Variants in BCAS3 observed in about 807,000 individuals in gnomAD.
BCAS3 encodes BCAS3 microtubule associated cell migration factor.
BCAS3 carries 53 observed loss-of-function variants against 116.1 expected under a neutral mutation model. The ratio of observed to expected loss-of-function variants is 0.46; its 90% CI spans 0.37 to 0.57. BCAS3 has a LOEUF of 0.57. Ranked by LOEUF, BCAS3 falls within the 20% of genes least tolerant of loss-of-function variation. The pLI is 0.00. For synonymous variants in BCAS3, 391 were observed against 408.2 expected (o/e 0.96, Z 0.51); for missense variants, 917 against 1,165.4 (o/e 0.79, Z 3.10).
chr17:60,880,185 A>T (rs569740784), intron 9 of BCAS3, among the ~76,000 whole-genome samples: 2 of 152,296 alleles, frequency 1.3e-5, no homozygotes, highest in Admixed American at 6.5e-5. Flanking sequence ...AGAGTCCTTA[A>T]TCAGCTGTAT....
At chr17:60,779,869 C>T (rs2045641824) in intron 6 of BCAS3, among the ~76,000 whole-genome samples, 1 of 151,966 alleles carries the variant, frequency 6.6e-6, no homozygotes, top group South Asian at 2.1e-4. Flanking sequence ...ATTCTTGGTG[C>T]TATTTGATAT....
At chr17:60,839,551 A>ATTG (rs1242356739) in intron 7 of BCAS3, among the ~76,000 whole-genome samples, 4 of 152,086 alleles carry the variant, frequency 2.6e-5, no homozygotes, top group African/African-American at 9.7e-5. Context: ...GAATAAAGTT[A>ATTG]TTAACTAGGC....
chr17:60,969,446 A>G (rs1197572708), intron 14 of BCAS3, among the ~76,000 whole-genome samples: 2 of 152,208 alleles, frequency 1.3e-5, no homozygotes, highest in Admixed American at 6.5e-5. Flanking sequence ...TGGATGTGTT[A>G]ATAGCAGAAT....
At chr17:61,168,295 T>C in intron 22 of BCAS3, among the ~76,000 whole-genome samples, 1 of 152,186 alleles carries the variant, frequency 6.6e-6, no homozygotes, top group Non-Finnish European at 1.5e-5. Context: ...TGTATTTATA[T>C]CTATCATGCG....
intron 14 of BCAS3, among the ~76,000 whole-genome samples, chr17:60,985,447 C>T (rs895856067): frequency 6.6e-6 from 1 of 151,776 alleles, no homozygotes; most frequent in Non-Finnish European, 1.5e-5. Flanking sequence ...ACACCTGGTC[C>T]CAATTATATT....
chr17:61,040,728 G>A (rs1043383521), intron 18 of BCAS3, 64 bp from the exon 19 acceptor site: 49 of 1,317,190 alleles, frequency 3.7e-5, no homozygotes, highest in Non-Finnish European at 5.3e-5. Flanking sequence ...AGTGATGACA[G>A]TCATGGTGAT....
rs993482740 is a variant in BCAS3, at chr17:61,364,820, G to A, written c.2426-3507G>A. Among the ~76,000 whole-genome samples the A allele has an allele frequency of 2.0e-5, 3 of 152,202 alleles. No individual in the cohort carries two copies. Among genetic ancestry groups the A allele is most frequent in the Admixed American group, 1.3e-4 (2 of 15,282 alleles). On this transcript the variant is annotated intron_variant, in intron 22 of 23. Coordinates refer to ENST00000407086, the MANE Select transcript of BCAS3 (RefSeq NM_017679.5). This position sits in a 1 kb window ranked among gnomAD's most constrained non-coding sequence, Gnocchi z 5.4. The stretch of plus-strand genomic sequence containing the variant: ...AATTAGAAACCCTTGTTCCAGATCT[G>A]TTGCTCAGAGACTTTGAACATGTCA...
chr17:61,355,125 G>A lies in BCAS3; in HGVS notation c.2426-13202G>A, dbSNP rs1043917256. The A allele has an allele frequency of 5.3e-5, 8 of 152,248 alleles. No homozygotes were observed. Among genetic ancestry groups the A allele is most frequent in the African/African-American group, 1.9e-4 (8 of 41,556 alleles). The allele number at this position is 152,248 out of a possible 1,614,324, so 9.4% of individuals were successfully genotyped here. ...GGGAGGCAGAGAGTTCGCACTCTGAGGAAACGCAGATCCTCAGAGGAGAGT... is the reference window on the plus strand; with the variant it reads ...GGGAGGCAGAGAGTTCGCACTCTGAAGAAACGCAGATCCTCAGAGGAGAGT... On this transcript the variant is annotated intron_variant, in intron 22 of 23. Coordinates refer to ENST00000407086, the MANE Select transcript of BCAS3 (RefSeq NM_017679.5). This position sits in a 1 kb window ranked among gnomAD's most constrained non-coding sequence, Gnocchi z 4.2.
chr17:61,021,918 G>A lies in BCAS3; in HGVS notation c.1637+6017G>A, dbSNP rs376509649. Among the ~76,000 whole-genome samples, 8 of 151,992 alleles carry A rather than the reference G, an allele frequency of 5.3e-5. No homozygotes were observed. The highest frequency in any genetic ancestry group is 4.1e-4 in the South Asian group (2 of 4,824). ...GCCTTAAACTTTATAGGCAAAGTTC[G>A]GAGAATTAAATTGGAAATATTTGGA... On this transcript the variant is annotated intron_variant, in intron 16 of 23. Coordinates refer to ENST00000407086, the MANE Select transcript of BCAS3 (RefSeq NM_017679.5). The surrounding 1 kb of genome is among the most constrained non-coding windows in gnomAD (Gnocchi z 4.6).
At chr17:60,892,566 C>T (rs768841649) in intron 10 of BCAS3, among the ~76,000 whole-genome samples, 1 of 152,046 alleles carries the variant, frequency 6.6e-6, no homozygotes, top group Non-Finnish European at 1.5e-5. Flanking sequence ...GCCTCGGCCT[C>T]CCAGAGTGCT....
At chr17:61,329,343 A>ATTTTTTTTTTTTTTTTTT (rs35909318) in intron 22 of BCAS3, among the ~76,000 whole-genome samples, 2 of 131,280 alleles carry the variant, frequency 1.5e-5, no homozygotes, top group African/African-American at 5.9e-5. Flanking sequence ...TATTATTATT[A>ATTTTTTTTTTTTTTTTTT]TTTTTTTTTT....
At chr17:60,799,423 C>T (rs750610283) in intron 6 of BCAS3, among the ~76,000 whole-genome samples, 31 of 152,066 alleles carry the variant, frequency 2.0e-4, no homozygotes, top group Non-Finnish European at 4.1e-4. Context: ...CCTGCAACAT[C>T]CCCAGCCCTT....
Position 61,026,254 on chromosome 17 carries a change from C to T in BCAS3, c.1638-8412C>T, listed in dbSNP as rs1249500292. 1.3e-5 allele frequency among the ~76,000 whole-genome samples: 2 copies of T among 152,024 alleles called. No individual in the cohort carries two copies. The highest frequency in any genetic ancestry group is 4.8e-5 in the African/African-American group (2 of 41,420). ...TAAAGGAAGCTAACCTCTTAGACCA[C>T]TATTAAGAGATATCCTAATTTCCTG... On this transcript the variant is annotated intron_variant, in intron 16 of 23. Coordinates refer to ENST00000407086, the MANE Select transcript of BCAS3 (RefSeq NM_017679.5). The surrounding 1 kb of genome is among the most constrained non-coding windows in gnomAD (Gnocchi z 5.0).
chr17:61,134,104 T>C lies in BCAS3; in HGVS notation c.2425+49540T>C, dbSNP rs1182528762. ...GGGAGGAGAGGTAGAGTTGGCCTGA[T>C]GTGGAAAATAAATATTTCATATAGT... On this transcript the variant is annotated intron_variant, in intron 22 of 23. Coordinates refer to ENST00000407086, the MANE Select transcript of BCAS3 (RefSeq NM_017679.5). The surrounding 1 kb of genome is among the most constrained non-coding windows in gnomAD (Gnocchi z 4.6). Among the ~76,000 whole-genome samples the C allele has an allele frequency of 6.6e-6, 1 of 152,132 alleles. No homozygotes were observed. The highest frequency in any genetic ancestry group is 6.5e-5 in the Admixed American group (1 of 15,280).
intron 6 of BCAS3, among the ~76,000 whole-genome samples, chr17:60,766,498 C>T (rs1034304527): frequency 2.0e-5 from 3 of 152,204 alleles, no homozygotes; most frequent in African/African-American, 7.2e-5. Flanking sequence ...TCCAGACCCT[C>T]TTTGCCTGGG....
chr17:60,877,208 A>G lies in BCAS3; in HGVS notation c.661+2470A>G, dbSNP rs370350707. Reference sequence around the variant, plus strand: ...TATATATATACACACACATATATACATATATATGCATAGATGAATGAAATT... The same window carrying G: ...TATATATATACACACACATATATACGTATATATGCATAGATGAATGAAATT... On this transcript the variant is annotated intron_variant, in intron 9 of 23. Coordinates refer to ENST00000407086, the MANE Select transcript of BCAS3 (RefSeq NM_017679.5). Among the ~76,000 whole-genome samples the G allele has an allele frequency of 1.8e-4, 27 of 152,098 alleles. No individual in the cohort carries two copies. In the South Asian group the frequency reaches 5.4e-3, roughly 30 times the overall value.
chr17:61,014,749 GA>G (rs1239438691), intron 15 of BCAS3, among the ~76,000 whole-genome samples: 1 of 151,868 alleles, frequency 6.6e-6, no homozygotes, highest in African/African-American at 2.4e-5. Flanking sequence ...TAGGAATCCA[GA>G]AGACATTATT....
chr17:60,944,794 G>A (rs1433204021), intron 13 of BCAS3, among the ~76,000 whole-genome samples: 1 of 152,088 alleles, frequency 6.6e-6, no homozygotes, highest in Non-Finnish European at 1.5e-5. Context: ...TTCAATAGCT[G>A]CAGAAAAGCA....
At chr17:61,321,572 C>T in intron 22 of BCAS3, among the ~76,000 whole-genome samples, 1 of 152,208 alleles carries the variant, frequency 6.6e-6, no homozygotes, top group East Asian at 1.9e-4. Flanking sequence ...TCTGGATGCC[C>T]CTGCAGGCCG....
Sources: allele counts gnomAD v4.1 joint callset (sites outside exome capture counted in the v4.1 genomes callset), GRCh38; gene constraint gnomAD v4.1.1; non-coding constraint Gnocchi (gnomAD v3.1); transcripts MANE v1.5; gene names NCBI Gene and HGNC (gene_info 2026-07-23, HGNC 2026-07-21).